Variants in DYNC2LI1 observed in about 807,000 individuals in gnomAD.
DYNC2LI1 encodes the protein cytoplasmic dynein 2 light intermediate chain 1.
DYNC2LI1 carries 45 observed loss-of-function variants against 51.9 expected under a neutral mutation model. The observed-to-expected ratio is 0.87, with a 90% CI of 0.68 to 1.11. The LOEUF (loss-of-function observed/expected upper bound fraction) is 1.11. Among genes scored for constraint, DYNC2LI1 ranks in the 50% most tolerant of loss-of-function variants. The pLI is 0.00. For synonymous variants in DYNC2LI1, 130 were observed against 137.8 expected, an observed-to-expected ratio of 0.94 and a Z score of 0.40; for missense variants, 490 against 417.4, an observed-to-expected ratio of 1.17 and a Z score of -1.51.
At chr2:43,779,080 A>C (rs1172395047) in intron 2 of DYNC2LI1, among the ~76,000 whole-genome samples, 1 of 151,904 alleles carries the variant, frequency 6.6e-6, no homozygotes, top group Non-Finnish European at 1.5e-5. Context: ...ACGTGGCAAA[A>C]CCCAGTCTCC....
chr2:43,807,708 T>C lies in DYNC2LI1; in HGVS notation c.994-1997T>C, dbSNP rs369946980. Among the ~76,000 whole-genome samples, 11 of 125,254 alleles carry C rather than the reference T, an allele frequency of 8.8e-5. No homozygotes were observed. The East Asian group carries it at 2.4e-3, about 27-fold the overall frequency. The allele number at this position is 125,254 out of a possible 152,430, so 82.2% of individuals were successfully genotyped here. On this transcript the variant is annotated intron_variant, in intron 12 of 12. Coordinates refer to ENST00000260605, the MANE Select transcript of DYNC2LI1 (RefSeq NM_016008.4). ...TGCTGGGATTACAGGCATGAGCCAC[T>C]GTGCCCAGCTTCTTTTCTATTATTT...
rs1572704501 is a variant in DYNC2LI1 at position 43,789,538 on chromosome 2, C to T, written c.232-95C>T. The T allele has an allele frequency of 1.8e-5, 19 of 1,027,026 alleles. 1 individual carries two copies. The East Asian group carries it at 4.8e-4, about 26-fold the overall frequency. 63.6% of individuals were successfully genotyped at this position (1,027,026 alleles called of 1,614,324 possible). A position where few individuals can be genotyped will look rare whatever the true frequency, so the allele number is the denominator to read the frequency against. ...CTGCCAAGAAAGGGTTGATTAAGGA[C>T]TGCAATATTTTGTATGTATAATTAT... On this transcript the variant is annotated intron_variant, in intron 4 of 12. Coordinates refer to ENST00000260605, the MANE Select transcript of DYNC2LI1 (RefSeq NM_016008.4).
intron 3 of DYNC2LI1, among the ~76,000 whole-genome samples, chr2:43,784,632 C>T (rs1437804738): frequency 2.6e-5 from 4 of 152,102 alleles, no homozygotes; most frequent in Admixed American, 1.3e-4. Flanking sequence ...CAGGGTTTCT[C>T]CATGTTGGTC....
intron 2 of DYNC2LI1, among the ~76,000 whole-genome samples, chr2:43,781,391 G>A (rs1216881157): frequency 6.6e-6 from 1 of 151,652 alleles, no homozygotes; most frequent in East Asian, 1.9e-4. Flanking sequence ...AAAAGGCGAG[G>A]GGGAGTGATT....
At chr2:43,776,508 T>C (rs948913942) in intron 1 of DYNC2LI1, among the ~76,000 whole-genome samples, 10 of 152,304 alleles carry the variant, frequency 6.6e-5, no homozygotes, top group South Asian at 4.1e-4. Flanking sequence ...CTATGAACCG[T>C]AGGGGAAGAC....
At chr2:43,787,091 C>G in intron 3 of DYNC2LI1, 90 bp from the exon 4 acceptor site, 1 of 1,047,158 alleles carries the variant, frequency 9.5e-7, no homozygotes, top group East Asian at 2.4e-5. Flanking sequence ...ATAAAGTTTT[C>G]AAGAGGAAGG....
the DYNC2LI1 span, chr2:43,827,985 G>A: frequency 6.2e-7 from 1 of 1,613,994 alleles, no homozygotes; most frequent in Non-Finnish European, 8.5e-7. Flanking sequence ...CCACTTACTA[G>A]GATCCTGGAG....
chr2:43,828,008 G>T, the DYNC2LI1 span: 1 of 1,614,088 alleles, frequency 6.2e-7, no homozygotes, highest in Non-Finnish European at 8.5e-7. Flanking sequence ...GCTGGGCTGC[G>T]ATGGAGACCC....
At chr2:43,823,932 C>T in the DYNC2LI1 span, 1 of 1,614,202 alleles carries the variant, frequency 6.2e-7, no homozygotes, top group East Asian at 2.2e-5. Context: ...CAGCGTTCAG[C>T]ATGCCTGTGT....
chr2:43,795,461 G>A (rs976423278), intron 6 of DYNC2LI1, among the ~76,000 whole-genome samples: 50 of 151,972 alleles, frequency 3.3e-4, no homozygotes, highest in African/African-American at 1.1e-3. Flanking sequence ...CCGAGATCGC[G>A]CCACTACACT....
At chr2:43,801,251 A>G (rs1244467069) in intron 9 of DYNC2LI1, 1 of 157,024 alleles carries the variant, frequency 6.4e-6, no homozygotes, top group Non-Finnish European at 1.4e-5. Flanking sequence ...TTGAGGCTGG[A>G]ATAAAATAAT....
chr2:43,818,238 G>A, the DYNC2LI1 span, among the ~76,000 whole-genome samples: 1 of 152,082 alleles, frequency 6.6e-6, no homozygotes, highest in Non-Finnish European at 1.5e-5. Context: ...AATCACTTGA[G>A]GTCGAGACTA....
chr2:43,775,593 G>A (rs1214787264), intron 1 of DYNC2LI1: 1 of 271,638 alleles, frequency 3.7e-6, no homozygotes. Context: ...GACCTCCAGG[G>A]CTCAGGCAAT....
At chr2:43,783,241 T>C (rs979386871) in intron 2 of DYNC2LI1, among the ~76,000 whole-genome samples, 2 of 152,198 alleles carry the variant, frequency 1.3e-5, no homozygotes, top group Non-Finnish European at 2.9e-5. Context: ...AGCTGCCAAG[T>C]TGACCACTTA....
chr2:43,788,754 G>A (rs1673638677), intron 4 of DYNC2LI1, among the ~76,000 whole-genome samples: 1 of 152,098 alleles, frequency 6.6e-6, no homozygotes, highest in Admixed American at 6.6e-5. Flanking sequence ...CAAGTAAACT[G>A]TCACCACAAA....
chr2:43,784,496 A>G (rs914100437), intron 3 of DYNC2LI1, among the ~76,000 whole-genome samples: 17 of 151,690 alleles, frequency 1.1e-4, no homozygotes, highest in Non-Finnish European at 8.8e-5. Flanking sequence ...CTGGAGTGCA[A>G]TGGCGCCATC....
At chr2:43,782,787 G>A (rs979223843) in intron 2 of DYNC2LI1, among the ~76,000 whole-genome samples, 2 of 152,042 alleles carry the variant, frequency 1.3e-5, no homozygotes, top group Non-Finnish European at 2.9e-5. Context: ...TTCAAGACCA[G>A]CCTAGCCAAC....
the DYNC2LI1 span, chr2:43,822,418 A>AC: frequency 1.3e-5 from 9 of 694,986 alleles, no homozygotes; most frequent in African/African-American, 4.1e-5. Flanking sequence ...TCCTCTTCCC[A>AC]CCCTCTGAAT....
chr2:43,814,439 T>A, downstream of DYNC2LI1: 4 of 1,357,424 alleles, frequency 2.9e-6, no homozygotes, highest in Non-Finnish European at 3.2e-6. Flanking sequence ...TTCCTCAGAG[T>A]AACATGCAAA....
Sources: allele counts gnomAD v4.1 joint callset (sites outside exome capture counted in the v4.1 genomes callset), GRCh38; gene constraint gnomAD v4.1.1; transcripts MANE v1.5; gene names NCBI Gene and HGNC (gene_info 2026-07-23, HGNC 2026-07-21).